Variants in CHD9 observed in about 807,000 individuals in gnomAD.
The protein encoded by CHD9 is ATP-dependent chromatin remodeler CHD9.
Under a neutral mutation model 316.1 loss-of-function variants are expected in CHD9, and 77 were observed. That is an observed-to-expected ratio of 0.24 (90% CI 0.20 to 0.29). The LOEUF (loss-of-function observed/expected upper bound fraction) is 0.29, where lower values mean the gene tolerates loss of function less well. CHD9 is among the 10% of genes least tolerant of loss of function. The pLI, the probability that CHD9 is intolerant of heterozygous loss-of-function variation, is 1.00. For synonymous variants in CHD9, 1,129 were observed against 1,158.3 expected, an observed-to-expected ratio of 0.97 and a Z score of 0.51; for missense variants, 2,763 against 3,438.1, an observed-to-expected ratio of 0.80 and a Z score of 4.91.
Position 53,178,894 on chromosome 16 carries a change from T to A in CHD9, c.1452+21353T>A, listed in dbSNP as rs892290433. On this transcript the variant is annotated intron_variant, in intron 2 of 38. Coordinates refer to ENST00000447540, the MANE Select transcript of CHD9 (RefSeq NM_001308319.2). Reference sequence around the variant, plus strand: ...CAGGCATACTGGCGCACACCTGTAGTCCCAGTTACTTGAGAAGCTGAGTTC... The same window carrying A: ...CAGGCATACTGGCGCACACCTGTAGACCCAGTTACTTGAGAAGCTGAGTTC... Among the ~76,000 whole-genome samples the A allele has an allele frequency of 2.0e-5, 3 of 152,206 alleles. No homozygotes were observed. The South Asian group carries it at 6.2e-4, about 31-fold the overall frequency.
At chr16:53,131,522 G>T (rs1310492289) in intron 1 of CHD9, among the ~76,000 whole-genome samples, 4 of 150,670 alleles carry the variant, frequency 2.7e-5, no homozygotes, top group African/African-American at 9.7e-5. Context: ...GCGGGCTGCT[G>T]CCCCCGCCCC....
chr16:53,113,351 A>G (rs2152623912), intron 1 of CHD9, among the ~76,000 whole-genome samples: 1 of 149,956 alleles, frequency 6.7e-6, no homozygotes, highest in Non-Finnish European at 1.5e-5. Flanking sequence ...TCTGTTTTAC[A>G]AGAATCTTGG....
intron 1 of CHD9, among the ~76,000 whole-genome samples, chr16:53,116,071 T>G (rs1379743307): frequency 6.6e-6 from 1 of 152,186 alleles, no homozygotes; most frequent in African/African-American, 2.4e-5. Context: ...TTGCTTTTTT[T>G]CTTTTTGAGA....
Position 53,304,248 on chromosome 16 carries a change from A to G in CHD9, c.6242A>G (p.Lys2081Arg). 1 of 1,611,386 alleles carries G rather than the reference A, an allele frequency of 6.2e-7. No individual in the cohort carries two copies. The highest frequency in any genetic ancestry group is 8.5e-7 in the Non-Finnish European group (1 of 1,179,000). The change falls in exon 31 of 39, where the codon AAG becomes AGG. Residue 2081 changes from lysine to arginine, a missense_variant. Physicochemically the swap from Lys to Arg is conservative, Grantham distance 26. This residue lies in a region of CHD9 where 663 missense variants were observed against 751.2 expected (regional missense o/e 0.88). Transcript: ENST00000447540. ...TLIKSEPVSP[K>R]NGVLPQATGD... ...ATAAAATCTGAGCCTGTAAGTCCAA[A>G]GAATGGTGTTTTACCACAGGCTACT...
chr16:53,096,837 A>G (rs1044363386), intron 1 of CHD9, among the ~76,000 whole-genome samples: 1 of 152,144 alleles, frequency 6.6e-6, no homozygotes, highest in African/African-American at 2.4e-5. Context: ...GAAGAGTACT[A>G]AGGTGGTCCA....
chr16:53,145,038 T>C (rs2040456710), intron 1 of CHD9, among the ~76,000 whole-genome samples: 1 of 151,832 alleles, frequency 6.6e-6, no homozygotes, highest in Non-Finnish European at 1.5e-5. Flanking sequence ...AAGTAATGAT[T>C]AAGTCAATTA....
chr16:53,283,618 T>C (rs1290499079), intron 24 of CHD9, among the ~76,000 whole-genome samples: 1 of 152,202 alleles, frequency 6.6e-6, no homozygotes, highest in East Asian at 1.9e-4. Context: ...CCTTTATATT[T>C]CAGGGCTAAT....
intron 1 of CHD9, among the ~76,000 whole-genome samples, chr16:53,106,049 A>AC: frequency 6.6e-6 from 1 of 152,010 alleles, no homozygotes; most frequent in Non-Finnish European, 1.5e-5. Context: ...CGAACTCCTG[A>AC]CCTCAAGTGA....
intron 2 of CHD9, among the ~76,000 whole-genome samples, chr16:53,205,131 G>A (rs555468301): frequency 9.9e-5 from 15 of 152,236 alleles, no homozygotes; most frequent in South Asian, 8.3e-4. Context: ...ATGAGCCACC[G>A]CGCCCGACCT....
At chr16:53,062,283 C>A (rs2033001042) in intron 1 of CHD9, among the ~76,000 whole-genome samples, 1 of 152,222 alleles carries the variant, frequency 6.6e-6, no homozygotes, top group African/African-American at 2.4e-5. Context: ...CTGTAACAAT[C>A]TAATAACATT....
chr16:53,316,081 T>C (rs1393156874), intron 36 of CHD9, among the ~76,000 whole-genome samples: 1 of 151,966 alleles, frequency 6.6e-6, no homozygotes, highest in East Asian at 1.9e-4. Context: ...AGCTAATTTT[T>C]TCAATTTTTA....
At chr16:53,139,607 A>G (rs2039956207) in intron 1 of CHD9, among the ~76,000 whole-genome samples, 1 of 152,176 alleles carries the variant, frequency 6.6e-6, no homozygotes, top group Non-Finnish European at 1.5e-5. Context: ...GGGAAAGTTT[A>G]AATGACTGTA....
chr16:53,132,851 C>T (rs1260884376), intron 1 of CHD9, among the ~76,000 whole-genome samples: 1 of 146,166 alleles, frequency 6.8e-6, no homozygotes, highest in Non-Finnish European at 1.5e-5. Flanking sequence ...CTCTGTCACC[C>T]AGGCTGGAGC....
chr16:53,188,441 A>G (rs2044208407), intron 2 of CHD9, among the ~76,000 whole-genome samples: 1 of 152,038 alleles, frequency 6.6e-6, no homozygotes, highest in Non-Finnish European at 1.5e-5. Flanking sequence ...CAGGTAGTGT[A>G]TAAGGGTTCC....
chr16:53,314,612 T>C (rs1368766881), intron 35 of CHD9, 96 bp downstream of exon 35: 4 of 1,104,380 alleles, frequency 3.6e-6, no homozygotes, highest in Non-Finnish European at 5.1e-6. Context: ...TATAGACTAT[T>C]AGTAAGGAAA....
intron 1 of CHD9, among the ~76,000 whole-genome samples, chr16:53,081,012 G>A (rs955746295): frequency 6.6e-6 from 1 of 152,186 alleles, no homozygotes; most frequent in Non-Finnish European, 1.5e-5. Context: ...ACGCAAAGTG[G>A]GTCTGGTGTC....
intron 20 of CHD9, among the ~76,000 whole-genome samples, chr16:53,265,972 TTTTG>T (rs1158699737): frequency 2.6e-4 from 39 of 151,578 alleles, no homozygotes; most frequent in African/African-American, 7.7e-4. Flanking sequence ...ACAATTAGTT[TTTTG>T]TTTTTTTTTT....
At chr16:53,101,795 A>G (rs1332956438) in intron 1 of CHD9, among the ~76,000 whole-genome samples, 1 of 152,196 alleles carries the variant, frequency 6.6e-6, no homozygotes, top group African/African-American at 2.4e-5. Context: ...AGCCTTTACA[A>G]GAGGTCTGTG....
At chr16:53,194,824 G>A (rs1457376463) in intron 2 of CHD9, among the ~76,000 whole-genome samples, 1 of 151,924 alleles carries the variant, frequency 6.6e-6, no homozygotes, top group African/African-American at 2.4e-5. Flanking sequence ...GATTTCTCCT[G>A]GTATTAGAGG....
Sources: allele counts gnomAD v4.1 joint callset (sites outside exome capture counted in the v4.1 genomes callset), GRCh38; gene constraint gnomAD v4.1.1; regional missense constraint gnomAD v4.1.1; transcripts MANE v1.5; gene names NCBI Gene and HGNC (gene_info 2026-07-23, HGNC 2026-07-21).